Variants in MYT1L observed in about 807,000 individuals in gnomAD.
MYT1L encodes myelin transcription factor 1-like protein.
In MYT1L, 12 loss-of-function variants were observed where a neutral mutation model predicts 126.7. The ratio of observed to expected loss-of-function variants is 0.09; its 90% confidence interval spans 0.06 to 0.15. The LOEUF (loss-of-function observed/expected upper bound fraction) is 0.15. Among genes scored for constraint, MYT1L ranks in the 10% least tolerant of loss-of-function variants. MYT1L has a pLI of 1.00. For missense variants in MYT1L, 979 were observed against 1,585.2 expected (o/e 0.62, Z 6.49); for synonymous variants, 541 against 604.2 (o/e 0.90, Z 1.53).
At chr2:2,253,301 ACACAGTG>A (rs2094707822) in intron 2 of MYT1L, among the ~76,000 whole-genome samples, 1 of 152,180 alleles carries the variant, frequency 6.6e-6, no homozygotes, top group Non-Finnish European at 1.5e-5. Context: ...GCTGGCTTCC[ACACAGTG>A]ACTTCGCCTT....
chr2:2,017,132 C>T (rs1186270884), intron 4 of MYT1L, among the ~76,000 whole-genome samples: 3 of 152,160 alleles, frequency 2.0e-5, no homozygotes, highest in Middle Eastern at 3.2e-3. Flanking sequence ...GGGCTATTGC[C>T]GTATTCATGG....
chr2:1,821,047 G>C (rs1052935180), intron 21 of MYT1L, among the ~76,000 whole-genome samples: 2 of 152,160 alleles, frequency 1.3e-5, no homozygotes, highest in Non-Finnish European at 2.9e-5. Context: ...GTCCCAGATG[G>C]TGTCAGCCAG....
At chr2:1,897,387 T>C (rs1013710160) in intron 14 of MYT1L, among the ~76,000 whole-genome samples, 3 of 152,174 alleles carry the variant, frequency 2.0e-5, no homozygotes, top group Non-Finnish European at 4.4e-5. Context: ...AGAGGATGCT[T>C]GGTCTGATGA....
At chr2:1,892,485 TTTC>T (rs1417271423) in intron 14 of MYT1L, among the ~76,000 whole-genome samples, 198 bp from the exon 15 acceptor site, 2 of 151,730 alleles carry the variant, frequency 1.3e-5, no homozygotes, top group African/African-American at 4.9e-5. Context: ...TCCTTTCTTT[TTTC>T]TTCTTTTTTC....
chr2:2,099,646 C>T (rs112130955), intron 3 of MYT1L, among the ~76,000 whole-genome samples: 3 of 152,140 alleles, frequency 2.0e-5, no homozygotes, highest in African/African-American at 7.2e-5. Flanking sequence ...CTTTTTGATT[C>T]ATTTTAAGCT....
At chr2:2,182,484 C>G (rs759987100) in intron 2 of MYT1L, among the ~76,000 whole-genome samples, 1 of 152,154 alleles carries the variant, frequency 6.6e-6, no homozygotes, top group Non-Finnish European at 1.5e-5. Flanking sequence ...TTCTCTGTCC[C>G]TCTCTCACAC....
intron 14 of MYT1L, among the ~76,000 whole-genome samples, chr2:1,901,425 G>A (rs918986970): frequency 1.1e-4 from 16 of 152,136 alleles, no homozygotes; most frequent in African/African-American, 3.6e-4. Flanking sequence ...GAGATGACAA[G>A]AAACCTGAAA....
At position 2,260,038 on chromosome 2, in the gene MYT1L, C is replaced by T. The variant is rs551297407; in HGVS notation, c.-421+24366G>A. Among the ~76,000 whole-genome samples, 14 of 152,314 alleles carry T rather than the reference C, an allele frequency of 9.2e-5. No individual in the cohort carries two copies. In the South Asian group the frequency reaches 1.5e-3, roughly 16 times the overall value. ...GGCGCTCATTTTACACACGTCTTGACATTAGCGTGGCCTGGCTCCCTCTAA... is the reference window on the plus strand; with the variant it reads ...GGCGCTCATTTTACACACGTCTTGATATTAGCGTGGCCTGGCTCCCTCTAA... On this transcript the variant is annotated intron_variant, in intron 2 of 24. Coordinates refer to ENST00000647738, the MANE Select transcript of MYT1L (RefSeq NM_001303052.2).
At chr2:1,967,374 T>C (rs1038581213) in intron 8 of MYT1L, among the ~76,000 whole-genome samples, 1 of 152,174 alleles carries the variant, frequency 6.6e-6, no homozygotes, top group African/African-American at 2.4e-5. Context: ...CTGTCCAGGC[T>C]TCAGAGTTCC....
At chr2:2,124,039 C>T (rs757775112) in intron 3 of MYT1L, among the ~76,000 whole-genome samples, 3 of 152,190 alleles carry the variant, frequency 2.0e-5, no homozygotes, top group Non-Finnish European at 4.4e-5. Context: ...GATGTTGAAA[C>T]CACAGAGTGT....
intron 18 of MYT1L, among the ~76,000 whole-genome samples, chr2:1,880,334 GCT>G (rs1558254799): frequency 6.6e-6 from 1 of 152,160 alleles, no homozygotes; most frequent in Non-Finnish European, 1.5e-5. Flanking sequence ...GATGGAGAAA[GCT>G]CTTTTTATTT....
chr2:1,905,286 A>C (rs2050895252), intron 13 of MYT1L, among the ~76,000 whole-genome samples: 1 of 152,192 alleles, frequency 6.6e-6, no homozygotes, highest in African/African-American at 2.4e-5. Context: ...GACCCAACCA[A>C]GCAGGAAAAA....
intron 5 of MYT1L, among the ~76,000 whole-genome samples, chr2:1,986,711 A>C (rs1175232715): frequency 6.6e-6 from 1 of 152,072 alleles, no homozygotes; most frequent in Non-Finnish European, 1.5e-5. Context: ...CTTTTGGGGA[A>C]GCGCTAGGGG....
At chr2:2,192,301 A>T (rs2092627200) in intron 2 of MYT1L, among the ~76,000 whole-genome samples, 1 of 152,246 alleles carries the variant, frequency 6.6e-6, no homozygotes, top group African/African-American at 2.4e-5. Context: ...GTTACAGAGC[A>T]GTTGTAAGGG....
chr2:1,940,650 T>G (rs967747031), intron 9 of MYT1L, among the ~76,000 whole-genome samples: 11 of 152,266 alleles, frequency 7.2e-5, no homozygotes, highest in Admixed American at 6.5e-4. Flanking sequence ...CCTTCCTGAG[T>G]AGCTCACTTG....
intron 2 of MYT1L, among the ~76,000 whole-genome samples, chr2:2,253,931 T>C (rs2094732674): frequency 6.6e-6 from 1 of 152,174 alleles, no homozygotes; most frequent in Admixed American, 6.5e-5. Context: ...AAACATGTTT[T>C]AGATGAAAAG....
chr2:1,792,521 T>C (rs2032315837), intron 23 of MYT1L, 57 bp from the exon 24 acceptor site: 3 of 1,561,332 alleles, frequency 1.9e-6, no homozygotes, highest in African/African-American at 2.7e-5. Context: ...GAGCGCGTGG[T>C]CGTTGCCGGG....
chr2:1,906,645 G>A (rs925723305), intron 13 of MYT1L, among the ~76,000 whole-genome samples: 3 of 151,910 alleles, frequency 2.0e-5, no homozygotes, highest in Non-Finnish European at 4.4e-5. Context: ...CATGTATTGC[G>A]ATTTCATTAA....
intron 3 of MYT1L, among the ~76,000 whole-genome samples, chr2:2,087,735 T>G (rs1028757839): frequency 1.3e-5 from 2 of 152,216 alleles, no homozygotes; most frequent in Non-Finnish European, 2.9e-5. Flanking sequence ...GACAAGGGAC[T>G]AACCCAGTGC....
Sources: gnomAD v4.1 joint callset for allele counts (sites outside exome capture counted in the v4.1 genomes callset) on GRCh38, gnomAD v4.1.1 for gene constraint, MANE v1.5 for transcripts, NCBI Gene and HGNC (gene_info 2026-07-23, HGNC 2026-07-21) for gene names.